SIPA1L3: variants seen among roughly 807,000 people sequenced by gnomAD.
SIPA1L3 encodes signal induced proliferation associated 1 like 3.
SIPA1L3 carries 59 observed loss-of-function variants against 150.1 expected under a neutral mutation model. The ratio of observed to expected loss-of-function variants is 0.39; its 90% CI spans 0.32 to 0.49. The LOEUF is 0.49. Among genes scored for constraint, SIPA1L3 ranks in the 20% least tolerant of loss-of-function variants. SIPA1L3 has a pLI of 0.86. For missense variants in SIPA1L3, 2,211 were observed against 2,489.5 expected (o/e 0.89, Z 2.38); for synonymous variants, 1,070 against 1,077.6 (o/e 0.99, Z 0.14).
intron 2 of SIPA1L3, among the ~76,000 whole-genome samples, chr19:38,077,661 CTTTTTTTTTTTTT>C (rs58788182): frequency 1.6e-5 from 1 of 64,324 alleles, no homozygotes; most frequent in African/African-American, 5.9e-5. Context: ...TTTTCTTTTT[CTTTTTTTTTTTTT>C]TTTTTTTTTT....
intron 1 of SIPA1L3, among the ~76,000 whole-genome samples, chr19:37,959,197 T>A (rs564174557): frequency 6.6e-6 from 1 of 152,242 alleles, no homozygotes; most frequent in Non-Finnish European, 1.5e-5. Context: ...CAAATACTAA[T>A]ATATGTTCAC....
chr19:38,043,479 C>T (rs539855354), intron 2 of SIPA1L3, among the ~76,000 whole-genome samples: 6 of 152,302 alleles, frequency 3.9e-5, no homozygotes, highest in African/African-American at 1.4e-4. Context: ...GCAGAAATAT[C>T]GATGTGATAG....
intron 1 of SIPA1L3, among the ~76,000 whole-genome samples, chr19:37,974,710 C>T (rs577979698): frequency 6.6e-6 from 1 of 152,178 alleles, no homozygotes; most frequent in African/African-American, 2.4e-5. Context: ...TTTGAGTTGA[C>T]GTGATTGTGC....
At chr19:37,970,505 C>A (rs1394018489) in intron 1 of SIPA1L3, among the ~76,000 whole-genome samples, 1 of 152,210 alleles carries the variant, frequency 6.6e-6, no homozygotes. Flanking sequence ...TGTCAAGGTT[C>A]CTGCAGCCGG....
rs1005267984 is a variant in SIPA1L3, at chr19:37,923,769, C to CT, written c.-379+16419dup. The stretch of plus-strand genomic sequence containing the variant: ...TTAACTGTTTGGGTTTTTTTTTTTT[C>CT]TTTTTTTTGAGACAGAGTCTCGTTC... On this transcript the variant is annotated intron_variant, in intron 1 of 21. Transcript: ENST00000222345. Among the ~76,000 whole-genome samples, 5 of 141,686 alleles carry CT rather than the reference C, an allele frequency of 3.5e-5. No homozygotes were observed. The East Asian group carries it at 6.2e-4, about 17-fold the overall frequency. The allele number at this position is 141,686 out of a possible 152,430, so 93.0% of individuals were successfully genotyped here.
chr19:37,993,231 TG>T (rs1233137917), intron 1 of SIPA1L3, among the ~76,000 whole-genome samples: 1 of 152,180 alleles, frequency 6.6e-6, no homozygotes, highest in Non-Finnish European at 1.5e-5. Flanking sequence ...CCACTTCACA[TG>T]GGGCTGTGGG....
At chr19:37,987,100 G>A (rs909856446) in intron 1 of SIPA1L3, among the ~76,000 whole-genome samples, 10 of 151,884 alleles carry the variant, frequency 6.6e-5, no homozygotes, top group Non-Finnish European at 1.3e-4. Flanking sequence ...GCTAATTTTC[G>A]AATTTTTTGT....
At chr19:38,006,435 A>G (rs1184595270) in intron 1 of SIPA1L3, among the ~76,000 whole-genome samples, 1 of 152,072 alleles carries the variant, frequency 6.6e-6, no homozygotes, top group Non-Finnish European at 1.5e-5. Context: ...AGGGCAAGAA[A>G]GGTAGGAGGG....
chr19:38,014,544 C>CTT lies in SIPA1L3; in HGVS notation c.-378-14522_-378-14521dup, dbSNP rs72101453. ...GATGGAATGCTTCTCACACCACATT[C>CTT]TTTTTTTTTTTTTTTTTTTTTTTTA... On this transcript the variant is annotated intron_variant, in intron 1 of 21. Coordinates refer to ENST00000222345, the MANE Select transcript of SIPA1L3 (RefSeq NM_015073.3). Among the ~76,000 whole-genome samples, 267 of 116,780 alleles carry CTT rather than the reference C, an allele frequency of 2.3e-3. 7 individuals are homozygous for CTT. In the East Asian group the frequency reaches 0.049, roughly 21 times the overall value. The allele number at this position is 116,780 out of a possible 152,430, so 76.6% of individuals were successfully genotyped here.
chr19:38,177,120 G>A (rs948795303), intron 15 of SIPA1L3, among the ~76,000 whole-genome samples: 1 of 152,106 alleles, frequency 6.6e-6, no homozygotes, highest in African/African-American at 2.4e-5. Context: ...CTAGCACTTT[G>A]GGAGGCCAAG....
chr19:37,998,450 G>A (rs1374235065), intron 1 of SIPA1L3, among the ~76,000 whole-genome samples: 4 of 152,118 alleles, frequency 2.6e-5, no homozygotes, highest in Non-Finnish European at 4.4e-5. Context: ...AAACCGAAAC[G>A]CATAAAGTTG....
chr19:38,110,951 AG>A (rs34181002), intron 8 of SIPA1L3, among the ~76,000 whole-genome samples: 60,161 of 151,002 alleles, frequency 0.4, 12,396 homozygotes, highest in East Asian at 0.62. Context: ...GGAAAGTCGG[AG>A]GGAAGCAGGG....
chr19:38,035,310 C>T (rs563172665), intron 2 of SIPA1L3, among the ~76,000 whole-genome samples: 3 of 152,322 alleles, frequency 2.0e-5, no homozygotes, highest in South Asian at 4.1e-4. Context: ...TGATTGGGCA[C>T]CTCCCATGTT....
At chr19:38,105,044 C>A (rs1215479918) in intron 6 of SIPA1L3, among the ~76,000 whole-genome samples, 2 of 151,954 alleles carry the variant, frequency 1.3e-5, no homozygotes, top group Non-Finnish European at 2.9e-5. Context: ...GACACTGAGG[C>A]AGCATTGAAT....
chr19:37,954,108 T>C lies in SIPA1L3; in HGVS notation c.-379+46750T>C, dbSNP rs552570852. On this transcript the variant is annotated intron_variant, in intron 1 of 21. Transcript: ENST00000222345. ...TAAAAAAAAGTTTTTACTACCTTAT[T>C]GAGTAAAGTACACAGAAGCTGAAAG... Among the ~76,000 whole-genome samples, 4 of 152,272 alleles carry C rather than the reference T, an allele frequency of 2.6e-5. No individual in the cohort carries two copies. In the South Asian group the frequency reaches 6.2e-4, roughly 24 times the overall value.
At chr19:37,952,137 T>G (rs2046770122) in intron 1 of SIPA1L3, among the ~76,000 whole-genome samples, 1 of 151,848 alleles carries the variant, frequency 6.6e-6, no homozygotes, top group African/African-American at 2.4e-5. Context: ...AGTTGTAGAG[T>G]GTAAGCTTAA....
At chr19:37,997,292 G>C (rs527480467) in intron 1 of SIPA1L3, among the ~76,000 whole-genome samples, 1 of 152,184 alleles carries the variant, frequency 6.6e-6, no homozygotes, top group Admixed American at 6.5e-5. Flanking sequence ...TTTGGGCCGG[G>C]CACGGTGGCT....
chr19:38,122,598 C>G (rs1971046674), intron 9 of SIPA1L3, among the ~76,000 whole-genome samples: 1 of 152,224 alleles, frequency 6.6e-6, no homozygotes, highest in South Asian at 2.1e-4. Context: ...ACCTCTCTGC[C>G]TAAACCCTCA....
At chr19:37,953,891 A>G (rs1395087837) in intron 1 of SIPA1L3, among the ~76,000 whole-genome samples, 1 of 152,190 alleles carries the variant, frequency 6.6e-6, no homozygotes, top group Non-Finnish European at 1.5e-5. Context: ...TAATCTGATC[A>G]TCGTTAAACA....
Sources: gnomAD v4.1 joint callset for allele counts (sites outside exome capture counted in the v4.1 genomes callset) on GRCh38, gnomAD v4.1.1 for gene constraint, MANE v1.5 for transcripts, NCBI Gene and HGNC (gene_info 2026-07-23, HGNC 2026-07-21) for gene names.